CAMK4: variants seen among roughly 807,000 people sequenced by gnomAD.
CAMK4 encodes calcium/calmodulin dependent protein kinase IV, also known as calcium/calmodulin-dependent protein kinase type IV.
Under a neutral mutation model 44.9 loss-of-function variants are expected in CAMK4, and 22 were observed. That is an observed-to-expected ratio of 0.49 (90% CI 0.35 to 0.70). The LOEUF (loss-of-function observed/expected upper bound fraction) is 0.70. Among genes scored for constraint, CAMK4 ranks in the 30% least tolerant of loss-of-function variants. CAMK4 has a pLI of 0.01. For missense variants in CAMK4, 498 were observed against 586.8 expected (o/e 0.85, Z 1.56); for synonymous variants, 218 against 215.4 (o/e 1.01, Z -0.11).
chr5:111,363,420 G>T (rs1470670240), intron 2 of CAMK4, among the ~76,000 whole-genome samples: 2 of 152,020 alleles, frequency 1.3e-5, no homozygotes, highest in Non-Finnish European at 2.9e-5. Context: ...GTTATTAAAT[G>T]CCAGGTATTG....
At chr5:111,432,336 G>C (rs1013123244) in intron 5 of CAMK4, among the ~76,000 whole-genome samples, 2 of 152,020 alleles carry the variant, frequency 1.3e-5, no homozygotes, top group African/African-American at 4.8e-5. Flanking sequence ...GAGAGTAGAA[G>C]GATGGTTACC....
chr5:111,237,048 C>G (rs755439692), intron 1 of CAMK4, among the ~76,000 whole-genome samples: 2 of 152,218 alleles, frequency 1.3e-5, no homozygotes, highest in Non-Finnish European at 2.9e-5. Flanking sequence ...GTGTCTCCCT[C>G]TCATTAGAAT....
At chr5:111,439,656 G>C (rs969596347) in intron 5 of CAMK4, among the ~76,000 whole-genome samples, 1 of 152,166 alleles carries the variant, frequency 6.6e-6, no homozygotes, top group Admixed American at 6.5e-5. Flanking sequence ...ATGGAGTCCA[G>C]AGCTACAGGG....
At chr5:111,296,883 CAA>C (rs1324991985) in intron 1 of CAMK4, among the ~76,000 whole-genome samples, 2 of 152,154 alleles carry the variant, frequency 1.3e-5, no homozygotes, top group Non-Finnish European at 2.9e-5. Flanking sequence ...TGTTCTAAAT[CAA>C]TACATTTTAG....
intron 1 of CAMK4, among the ~76,000 whole-genome samples, chr5:111,297,163 A>G (rs888465237): frequency 6.6e-6 from 1 of 152,254 alleles, no homozygotes; most frequent in Non-Finnish European, 1.5e-5. Flanking sequence ...TTGCTTGGTT[A>G]GAATCACATT....
chr5:111,317,898 TAA>T (rs3066636), intron 1 of CAMK4, among the ~76,000 whole-genome samples: 888 of 69,638 alleles, frequency 0.013, 8 homozygotes, highest in African/African-American at 0.038. Flanking sequence ...GAGTAATATG[TAA>T]AAAAAAAAAA....
chr5:111,388,567 C>T (rs1194444019), intron 4 of CAMK4, among the ~76,000 whole-genome samples: 1 of 152,134 alleles, frequency 6.6e-6, no homozygotes, highest in African/African-American at 2.4e-5. Context: ...ATCCTTTCCT[C>T]ACCCTTCATG....
intron 1 of CAMK4, among the ~76,000 whole-genome samples, chr5:111,238,163 T>C (rs1748817197): frequency 6.6e-6 from 1 of 152,142 alleles, no homozygotes; most frequent in African/African-American, 2.4e-5. Flanking sequence ...CAGTTACCCC[T>C]AGGCCCAGAG....
chr5:111,349,269 C>T lies in CAMK4; in HGVS notation c.240+5167C>T, dbSNP rs554928771. Reference sequence around the variant, plus strand: ...TATTGTCTAATTTGCTTGTGATTATCGGTGGAAATTTAACTTTGTAGTTTG... The same window carrying T: ...TATTGTCTAATTTGCTTGTGATTATTGGTGGAAATTTAACTTTGTAGTTTG... On this transcript the variant is annotated intron_variant, in intron 2 of 10. Transcript: ENST00000282356. Among the ~76,000 whole-genome samples the T allele has an allele frequency of 1.3e-4, 20 of 151,984 alleles. No individual in the cohort carries two copies. In the South Asian group the frequency reaches 2.5e-3, roughly 19 times the overall value.
chr5:111,237,218 C>A (rs1467368801), intron 1 of CAMK4, among the ~76,000 whole-genome samples: 1 of 152,180 alleles, frequency 6.6e-6, no homozygotes, highest in Non-Finnish European at 1.5e-5. Context: ...CTTTTGAACC[C>A]AGGGAGCTCT....
intron 8 of CAMK4, among the ~76,000 whole-genome samples, chr5:111,476,723 AC>A (rs1292175727): frequency 1.3e-5 from 2 of 151,892 alleles, no homozygotes; most frequent in East Asian, 1.9e-4. Context: ...TTATACCTAA[AC>A]CCTCTTCCCC....
intron 1 of CAMK4, among the ~76,000 whole-genome samples, chr5:111,291,961 CAT>C (rs1326342631): frequency 1.4e-4 from 21 of 152,276 alleles, no homozygotes; most frequent in Admixed American, 7.2e-4. Flanking sequence ...TTCCATAAAA[CAT>C]GTGTTTTAAT....
chr5:111,253,525 G>A (rs1195579927), intron 1 of CAMK4, among the ~76,000 whole-genome samples: 1 of 152,168 alleles, frequency 6.6e-6, no homozygotes, highest in East Asian at 1.9e-4. Context: ...TTAAAAAGAA[G>A]CAGAAAGAGA....
At chr5:111,269,708 C>G (rs951549887) in intron 1 of CAMK4, among the ~76,000 whole-genome samples, 1 of 152,148 alleles carries the variant, frequency 6.6e-6, no homozygotes, top group Non-Finnish European at 1.5e-5. Context: ...AACCTGTGGA[C>G]TCCCTGCAGT....
chr5:111,406,525 A>AT (rs71626640), intron 5 of CAMK4, among the ~76,000 whole-genome samples: 9 of 151,650 alleles, frequency 5.9e-5, no homozygotes, highest in Non-Finnish European at 1.2e-4. Flanking sequence ...TACCTGGCCA[A>AT]TTTTTTTCTT....
chr5:111,283,603 A>G (rs1389222446), intron 1 of CAMK4, among the ~76,000 whole-genome samples: 2 of 152,254 alleles, frequency 1.3e-5, no homozygotes, highest in Non-Finnish European at 2.9e-5. Flanking sequence ...AAGGTTTCAA[A>G]TAACAATCAG....
chr5:111,325,330 A>G (rs1748838033), intron 1 of CAMK4, among the ~76,000 whole-genome samples: 1 of 152,076 alleles, frequency 6.6e-6, no homozygotes, highest in African/African-American at 2.4e-5. Flanking sequence ...ATACATGTGC[A>G]TGTGTTTTTA....
chr5:111,428,281 C>G (rs149018818), intron 5 of CAMK4, among the ~76,000 whole-genome samples: 1 of 152,218 alleles, frequency 6.6e-6, no homozygotes, highest in East Asian at 1.9e-4. Context: ...TAAGTCCACA[C>G]GGTGACAACT....
At chr5:111,296,108 T>C (rs1265833067) in intron 1 of CAMK4, among the ~76,000 whole-genome samples, 2 of 152,240 alleles carry the variant, frequency 1.3e-5, no homozygotes, top group African/African-American at 4.8e-5. Context: ...TACTTTCTTC[T>C]AGAATATTGG....
Sources: allele counts gnomAD v4.1 joint callset (sites outside exome capture counted in the v4.1 genomes callset), GRCh38; gene constraint gnomAD v4.1.1; transcripts MANE v1.5; gene names NCBI Gene and HGNC (gene_info 2026-07-23, HGNC 2026-07-21).